The following ZNF680 variants were observed in gnomAD, a reference collection of about 807,000 sequenced individuals.
ZNF680 encodes the protein zinc finger protein 680.
In ZNF680, 6 loss-of-function variants were observed where a neutral mutation model predicts 12.1. The ratio of observed to expected loss-of-function variants is 0.49; its 90% confidence interval spans 0.27 to 0.98. ZNF680 has a LOEUF of 0.98. Among genes scored for constraint, ZNF680 ranks in the 50% least tolerant of loss-of-function variants. The pLI, the probability that ZNF680 is intolerant of heterozygous loss-of-function variation, is 0.12. For synonymous variants in ZNF680, 170 were observed against 199.3 expected (o/e 0.85, Z 1.24); for missense variants, 561 against 616.3 (o/e 0.91, Z 0.95).
rs371639588 is a variant in ZNF680 at position 64,523,729 on chromosome 7, T to C, written c.254-1229A>G. Among the ~76,000 whole-genome samples, 12 of 151,802 alleles carry C rather than the reference T, an allele frequency of 7.9e-5. No homozygotes were observed. In the East Asian group the frequency reaches 1.4e-3, roughly 17 times the overall value. On this transcript the variant is annotated intron_variant, in intron 3 of 3. Coordinates refer to ENST00000309683, the MANE Select transcript of ZNF680 (RefSeq NM_178558.5). Reference sequence around the variant, plus strand: ...AAGATTGAGACCATCCTGGCTAACATGGTGAAACCCTGTCTCTACTAAAAA... The same window carrying C: ...AAGATTGAGACCATCCTGGCTAACACGGTGAAACCCTGTCTCTACTAAAAA...
downstream of ZNF680, among the ~76,000 whole-genome samples, chr7:64,518,501 G>C (rs1791399502): frequency 6.6e-6 from 1 of 151,918 alleles, no homozygotes; most frequent in Non-Finnish European, 1.5e-5. Flanking sequence ...ATTGCCAAAA[G>C]CAATCTAGAA....
chr7:64,554,883 CAG>C (rs1404053147), intron 1 of ZNF680, among the ~76,000 whole-genome samples: 1 of 152,080 alleles, frequency 6.6e-6, no homozygotes, highest in East Asian at 1.9e-4. Context: ...CTAGGAAAAC[CAG>C]AGACCTTTGT....
downstream of ZNF680, chr7:64,519,873 T>C (rs977212617): frequency 2.6e-5 from 4 of 151,784 alleles, no homozygotes; most frequent in African/African-American, 9.7e-5. Context: ...GAATGCACAA[T>C]AGTCTTAACA....
At chr7:64,524,891 ACATAGAAATTAAAACAATACACTCTTGAG>A (rs1791749585) in intron 3 of ZNF680, 1 of 151,320 alleles carries the variant, frequency 6.6e-6, no homozygotes, top group African/African-American at 2.4e-5. Flanking sequence ...ATTCACAAAT[ACATAGAAATTAAAACAATACACTCTTGAG>A]CATGCTTGTT....
At chr7:64,518,352 T>C (rs1791395688), downstream of ZNF680, among the ~76,000 whole-genome samples, 1 of 151,758 alleles carries the variant, frequency 6.6e-6, no homozygotes, top group East Asian at 1.9e-4. Flanking sequence ...TACTTAAAAA[T>C]ATACCTAAAC....
At chr7:64,551,917 TCAG>T in intron 1 of ZNF680, 1 of 152,322 alleles carries the variant, frequency 6.6e-6, no homozygotes, top group East Asian at 1.9e-4. Flanking sequence ...ACAGCTACTC[TCAG>T]CATGAGAAAC....
rs1486430740 is a variant in ZNF680 at position 64,521,087 on chromosome 7, TG to T, written c.*73del. The stretch of plus-strand genomic sequence containing the variant: ...ACCTACAAGCAAGTGTAACAATCAT[TG>T]GAAGGCTTTGTCAAATTCTTCACAT... On this transcript the variant is annotated 3_prime_UTR_variant, in exon 4 of 4. Transcript: ENST00000309683. The T allele has an allele frequency of 1.4e-6, 2 of 1,427,634 alleles. No homozygotes were observed. The highest frequency in any genetic ancestry group is 2.9e-5 in the African/African-American group (2 of 69,622). The allele number at this position is 1,427,634 out of a possible 1,614,324, so 88.4% of individuals were successfully genotyped here.
chr7:64,533,932 CA>C (rs759026258), intron 3 of ZNF680, among the ~76,000 whole-genome samples: 1 of 151,982 alleles, frequency 6.6e-6, no homozygotes, highest in Non-Finnish European at 1.5e-5. Context: ...CCCTTTTCAA[CA>C]AAAGGTGCTG....
intron 3 of ZNF680, among the ~76,000 whole-genome samples, chr7:64,536,185 C>T (rs999013060): frequency 1.3e-4 from 19 of 151,726 alleles, no homozygotes; most frequent in African/African-American, 4.4e-4. Flanking sequence ...ACCCCATTTT[C>T]AATAATAAAA....
the ZNF680 span, among the ~76,000 whole-genome samples, chr7:64,502,260 C>T: frequency 6.6e-6 from 1 of 152,126 alleles, no homozygotes; most frequent in African/African-American, 2.4e-5. Context: ...ATCCACCCGC[C>T]TCGGCCTCTC....
intron 3 of ZNF680, among the ~76,000 whole-genome samples, chr7:64,539,867 C>T (rs1412472379): frequency 6.6e-6 from 1 of 152,044 alleles, no homozygotes; most frequent in African/African-American, 2.4e-5. Context: ...AAGCTGGTCT[C>T]CAAATTTTGG....
intron 1 of ZNF680, among the ~76,000 whole-genome samples, chr7:64,553,711 A>G (rs1308214103): frequency 2.0e-5 from 3 of 151,578 alleles, no homozygotes; most frequent in Admixed American, 6.6e-5. Context: ...TCAGCCTGCC[A>G]AGTGCCTGGG....
chr7:64,553,746 A>T (rs1482232123), intron 1 of ZNF680, among the ~76,000 whole-genome samples: 3 of 146,828 alleles, frequency 2.0e-5, no homozygotes, highest in African/African-American at 4.9e-5. Context: ...CCGCCACGCC[A>T]GACTGGTTTT....
intron 3 of ZNF680, among the ~76,000 whole-genome samples, chr7:64,529,697 G>A (rs561092601): frequency 6.6e-6 from 1 of 152,068 alleles, no homozygotes; most frequent in Admixed American, 6.5e-5. Context: ...AGAAAGAAGA[G>A]AAATCTAAAA....
At chr7:64,514,873 G>A in the ZNF680 span, among the ~76,000 whole-genome samples, 5 of 152,146 alleles carry the variant, frequency 3.3e-5, no homozygotes, top group African/African-American at 1.2e-4. Flanking sequence ...GAGAAACCCA[G>A]TTTCTACTAA....
chr7:64,521,585 G>T lies in ZNF680; in HGVS notation c.1169C>A (p.Ser390Tyr), dbSNP rs752212326. ...TCTCATATGTTCAGTAAGGTTTGAG[G>T]ACTGTATAAAAGCTTTGCCGCATTC... The part of the protein sequence containing the change: ...CEECGKAFIQ[S>Y]SNLTEHMRIH... Residue 390 changes from serine (S) to tyrosine (Y), a missense_variant, in exon 4 of 4, where the codon TCC becomes TAC. Ser to Tyr is a moderately radical substitution (Grantham distance 144). Transcript: ENST00000309683. The T allele has an allele frequency of 2.5e-6, 4 of 1,609,390 alleles. No individual in the cohort carries two copies. The highest frequency in any genetic ancestry group is 3.4e-6 in the Non-Finnish European group (4 of 1,178,932).
chr7:64,521,582 G>A lies in ZNF680; in HGVS notation c.1172C>T (p.Ser391Leu). ...EECGKAFIQSSNLTEHMRIHT... is the reference protein window; with the variant it reads ...EECGKAFIQSLNLTEHMRIHT... Reference sequence around the variant, plus strand: ...AATTCTCATATGTTCAGTAAGGTTTGAGGACTGTATAAAAGCTTTGCCGCA... The same window carrying A: ...AATTCTCATATGTTCAGTAAGGTTTAAGGACTGTATAAAAGCTTTGCCGCA... The change falls in exon 4 of 4, where the codon TCA becomes TTA. Residue 391 changes from serine (S) to leucine (L), a missense_variant. Physicochemically the swap from Ser to Leu is moderately radical, Grantham distance 145 (BLOSUM62 -2). Transcript: ENST00000309683. 6.2e-7 allele frequency: 1 copy of A among 1,612,520 alleles called. No individual in the cohort carries two copies. Among genetic ancestry groups the A allele is most frequent in the Non-Finnish European group, 8.5e-7 (1 of 1,179,690 alleles).
chr7:64,550,023 AAGT>A (rs1786990050), intron 1 of ZNF680, among the ~76,000 whole-genome samples: 1 of 152,186 alleles, frequency 6.6e-6, no homozygotes, highest in African/African-American at 2.4e-5. Context: ...ACATGAATAT[AAGT>A]AGACAGTTTA....
At chr7:64,501,444 T>C in the ZNF680 span, 1 of 979,314 alleles carries the variant, frequency 1.0e-6, no homozygotes, top group Non-Finnish European at 1.6e-6. Context: ...AAAAGGTGGA[T>C]TCACCCCTGG....
Sources: allele counts gnomAD v4.1 joint callset (sites outside exome capture counted in the v4.1 genomes callset), GRCh38; gene constraint gnomAD v4.1.1; transcripts MANE v1.5; gene names NCBI Gene and HGNC (gene_info 2026-07-23, HGNC 2026-07-21).